IL1RAPL1: variants seen among roughly 807,000 people sequenced by gnomAD.
IL1RAPL1 encodes interleukin-1 receptor accessory protein-like 1.
A neutral mutation model predicts 48.4 loss-of-function variants in IL1RAPL1; 3 were observed. The ratio of observed to expected loss-of-function variants is 0.06; its 90% CI spans 0.03 to 0.16. The LOEUF (loss-of-function observed/expected upper bound fraction) is 0.16. Ranked by LOEUF, IL1RAPL1 falls within the 10% of genes least tolerant of loss-of-function variation. The pLI is 1.00. For synonymous variants in IL1RAPL1, 185 were observed against 187.7 expected (o/e 0.99, Z 0.12); for missense variants, 349 against 530.6 (o/e 0.66, Z 3.36).
At chrX:29,102,419 C>T (rs1928359927) in intron 2 of IL1RAPL1, among the ~76,000 whole-genome samples, 1 of 111,876 alleles carries the variant, frequency 8.9e-6, no homozygotes, top group Non-Finnish European at 1.9e-5. Flanking sequence ...ATAATCCCAC[C>T]ACTTTGGGAG....
intron 6 of IL1RAPL1, among the ~76,000 whole-genome samples, chrX:29,688,735 T>TATCTCC: frequency 9.5e-6 from 1 of 105,145 alleles, no homozygotes; most frequent in Non-Finnish European, 1.9e-5. Context: ...TGCTTCTCTC[T>TATCTCC]CTCTCTCTCT....
intron 1 of IL1RAPL1, among the ~76,000 whole-genome samples, chrX:28,730,799 A>G: frequency 8.9e-6 from 1 of 112,129 alleles, no homozygotes; most frequent in Non-Finnish European, 1.9e-5. Context: ...TGTTCATTTA[A>G]TGCCTATGAC....
intron 1 of IL1RAPL1, among the ~76,000 whole-genome samples, chrX:28,589,358 T>C (rs1009518742): frequency 1.8e-5 from 2 of 111,556 alleles, no homozygotes; most frequent in Non-Finnish European, 3.8e-5. Flanking sequence ...TTGTAACAGC[T>C]AACAGAGGAG....
At chrX:29,423,506 T>G (rs1437225377) in intron 5 of IL1RAPL1, among the ~76,000 whole-genome samples, 2 of 112,056 alleles carry the variant, frequency 1.8e-5, no homozygotes, top group Non-Finnish European at 1.9e-5. Context: ...ATACATCTAT[T>G]CTGGTGTCAA....
At chrX:28,768,489 A>G (rs753802576) in intron 1 of IL1RAPL1, among the ~76,000 whole-genome samples, 3 of 109,260 alleles carry the variant, frequency 2.7e-5, no homozygotes, top group African/African-American at 9.9e-5. Context: ...TGTGTTTGTG[A>G]AAAACTGTAT....
intron 2 of IL1RAPL1, among the ~76,000 whole-genome samples, chrX:29,225,380 A>T (rs184844284): frequency 3.7e-4 from 41 of 112,019 alleles, no homozygotes; most frequent in Non-Finnish European, 4.5e-4. Flanking sequence ...ACCAGCAGAG[A>T]GTGATCAATA....
At chrX:28,956,454 G>A in intron 2 of IL1RAPL1, among the ~76,000 whole-genome samples, 1 of 110,828 alleles carries the variant, frequency 9.0e-6, no homozygotes, top group Non-Finnish European at 1.9e-5. Flanking sequence ...CTAATTTATT[G>A]AGAGTTTTTA....
chrX:29,417,586 C>G (rs1375663847), intron 5 of IL1RAPL1, among the ~76,000 whole-genome samples: 1 of 111,910 alleles, frequency 8.9e-6, no homozygotes, highest in Non-Finnish European at 1.9e-5. Context: ...TCCAACATAT[C>G]CACCAGGAAT....
intron 2 of IL1RAPL1, among the ~76,000 whole-genome samples, chrX:29,200,110 G>A (rs938883786): frequency 1.9e-5 from 2 of 106,756 alleles, no homozygotes; most frequent in Non-Finnish European, 3.9e-5. Context: ...TTTAAGTTGT[G>A]TATTTAGAAC....
chrX:29,811,753 C>T (rs1470202549), intron 6 of IL1RAPL1, among the ~76,000 whole-genome samples: 2 of 111,989 alleles, frequency 1.8e-5, no homozygotes. Flanking sequence ...CCAAATTATA[C>T]ACTTTATGCA....
At chrX:29,768,323 C>T (rs1270446151) in intron 6 of IL1RAPL1, among the ~76,000 whole-genome samples, 1 of 111,780 alleles carries the variant, frequency 8.9e-6, no homozygotes, top group African/African-American at 3.2e-5. Flanking sequence ...TATGCACTTT[C>T]AAATGAAAGT....
chrX:29,826,770 T>C (rs1412374723), intron 6 of IL1RAPL1, among the ~76,000 whole-genome samples: 1 of 112,445 alleles, frequency 8.9e-6, no homozygotes, highest in Admixed American at 9.4e-5. Context: ...CTACATTTTG[T>C]TTATTCATTC....
In IL1RAPL1 at chrX:28,973,940, A is replaced by G. The variant is rs144925582; in HGVS notation, c.82+184515A>G. 8.9e-3 allele frequency among the ~76,000 whole-genome samples: 1,003 copies of G among 112,672 alleles called. 4 individuals carry two copies. Among genetic ancestry groups the G allele is most frequent in the Middle Eastern group, 0.032 (7 of 216 alleles). On this transcript the variant is annotated intron_variant, in intron 2 of 10. Transcript: ENST00000378993. Reference sequence around the variant, plus strand: ...TAGTGTATCCTTTGGTTTATGATCTAGCCTAGGACTCAATTAGAACATTAA... The same window carrying G: ...TAGTGTATCCTTTGGTTTATGATCTGGCCTAGGACTCAATTAGAACATTAA...
chrX:29,796,250 G>A (rs1929739913), intron 6 of IL1RAPL1, among the ~76,000 whole-genome samples: 1 of 112,065 alleles, frequency 8.9e-6, no homozygotes, highest in South Asian at 3.7e-4. Flanking sequence ...CTCCTTAGGT[G>A]GAACCACTGA....
intron 6 of IL1RAPL1, among the ~76,000 whole-genome samples, chrX:29,773,673 T>G (rs1202311732): frequency 9.0e-6 from 1 of 111,661 alleles, no homozygotes; most frequent in Non-Finnish European, 1.9e-5. Flanking sequence ...GACTTCTGTC[T>G]GAGCTAATCT....
intron 2 of IL1RAPL1, among the ~76,000 whole-genome samples, chrX:29,077,595 T>C (rs1229633272): frequency 9.9e-5 from 9 of 91,033 alleles, no homozygotes; most frequent in African/African-American, 3.6e-4. Flanking sequence ...AGAAAAAGAC[T>C]CTGTCTCAAA....
chrX:29,328,924 A>G (rs964568796), intron 3 of IL1RAPL1, among the ~76,000 whole-genome samples: 7 of 111,306 alleles, frequency 6.3e-5, no homozygotes, highest in Admixed American at 5.8e-4. Flanking sequence ...GGTTAATAAA[A>G]TGGGCTGATA....
At chrX:29,818,137 C>G (rs1489063244) in intron 6 of IL1RAPL1, among the ~76,000 whole-genome samples, 1 of 111,351 alleles carries the variant, frequency 9.0e-6, no homozygotes, top group Non-Finnish European at 1.9e-5. Flanking sequence ...GATATCTGAT[C>G]AAAATTGGAG....
At chrX:29,426,647 G>T (rs1182573722) in intron 5 of IL1RAPL1, among the ~76,000 whole-genome samples, 2 of 111,687 alleles carry the variant, frequency 1.8e-5, no homozygotes, top group African/African-American at 6.5e-5. Flanking sequence ...TTATTGTGAA[G>T]ATTAAATAAA....
Sources: allele counts gnomAD v4.1 joint callset (sites outside exome capture counted in the v4.1 genomes callset), GRCh38; gene constraint gnomAD v4.1.1; transcripts MANE v1.5; gene names NCBI Gene and HGNC (gene_info 2026-07-23, HGNC 2026-07-21).